RASAL3: variants seen among roughly 807,000 people sequenced by gnomAD.
RASAL3 encodes RAS protein activator like 3.
Under a neutral mutation model 105.5 loss-of-function variants are expected in RASAL3, and 74 were observed. The observed-to-expected ratio is 0.70, with a 90% CI of 0.58 to 0.85. RASAL3 has a LOEUF of 0.85. Among genes scored for constraint, RASAL3 ranks in the 40% least tolerant of loss-of-function variants. RASAL3 has a pLI of 0.00. For synonymous variants in RASAL3, 579 were observed against 591.6 expected (o/e 0.98, Z 0.31); for missense variants, 1,352 against 1,392.0 (o/e 0.97, Z 0.46).
Position 15,461,272 on chromosome 19 carries a change from T to G in RASAL3, c.490A>C (p.Ser164Arg). Residue 164 changes from serine to arginine, a missense_variant, in exon 4 of 18, where the codon AGT becomes CGT. Around this residue, in one of 3 missense-constraint regions of RASAL3, gnomAD observed 344 missense variants for 339.6 expected, o/e 1.01. Transcript: ENST00000343625. ...TGGATGCTGCCCTCGGAGCTAGCAC[T>G]TCCCACCCGGGGCCTTCGAGGACCC... is the stretch of plus-strand genomic sequence containing the variant. ...EEGPRRPRVGSASSEGSIHVA... is the reference protein window; with the variant it reads ...EEGPRRPRVGRASSEGSIHVA... 1 of 1,613,680 alleles carries G rather than the reference T, an allele frequency of 6.2e-7. No individual in the cohort carries two copies. Among genetic ancestry groups the G allele is most frequent in the African/African-American group, 1.3e-5 (1 of 75,002 alleles).
Position 15,464,025 on chromosome 19 carries a change from A to G in RASAL3, c.328+6T>C, listed in dbSNP as rs1395827513. 1.3e-6 allele frequency: 2 copies of G among 1,543,036 alleles called. No homozygotes were observed. The highest frequency in any genetic ancestry group is 1.7e-6 in the Non-Finnish European group (2 of 1,145,410). ...GGCCCAAGCTCAGGGTGGGGGAACCATGTACCTGGGGCCTCCTGCTCCGGC... is the reference window on the plus strand; with the variant it reads ...GGCCCAAGCTCAGGGTGGGGGAACCGTGTACCTGGGGCCTCCTGCTCCGGC... On this transcript the variant is annotated splice_donor_region_variant and intron_variant, in intron 2 of 17. Transcript: ENST00000343625.
At chr19:15,455,247 G>A (rs1196067820) in intron 11 of RASAL3, among the ~76,000 whole-genome samples, 1 of 152,206 alleles carries the variant, frequency 6.6e-6, no homozygotes, top group Admixed American at 6.5e-5. Context: ...TGGTGGGCCA[G>A]AGTACAAGAT....
At position 15,457,311 on chromosome 19, in the gene RASAL3, C is replaced by T. The variant is rs754418310; in HGVS notation, c.1412G>A (p.Arg471Gln). The T allele has an allele frequency of 7.6e-7, 1 of 1,314,160 alleles. No individual in the cohort carries two copies. Among genetic ancestry groups the T allele is most frequent in the South Asian group, 1.9e-5 (1 of 52,622 alleles). The allele number at this position is 1,314,160 out of a possible 1,614,324, so 81.4% of individuals were successfully genotyped here. A position where few individuals can be genotyped will look rare whatever the true frequency, so the allele number is the denominator to read the frequency against. The change falls in exon 9 of 18, where the codon CGG (arginine) becomes CAG (glutamine). Residue 471 changes from arginine to glutamine, a missense_variant. By Grantham distance (43) the Arg-to-Gln change is conservative (BLOSUM62 1). Around this residue, in one of 3 missense-constraint regions of RASAL3, gnomAD observed 920 missense variants for 919.6 expected, o/e 1.00. Transcript: ENST00000343625. This position sits in a 1 kb window ranked among gnomAD's most constrained non-coding sequence, Gnocchi z 8.6. ...CCGCACCTGCGCCCGGCCGGTGGCC[C>T]GCAGCACGCGCACCATGGCTGCCGC... ...ELAAAMVRVLRATGRAQALVT... is the reference protein window; with the variant it reads ...ELAAAMVRVLQATGRAQALVT...
At chr19:15,454,009 C>T (rs184530144) in intron 14 of RASAL3, 140 bp downstream of exon 14, 10 of 665,946 alleles carry the variant, frequency 1.5e-5, no homozygotes, top group African/African-American at 5.5e-5. Flanking sequence ...TTTGACCCAA[C>T]CCTTTCTATA....
At position 15,456,601 on chromosome 19, in the gene RASAL3, C is replaced by T; in HGVS notation, c.1477G>A (p.Gly493Ser). ...LGTAELARCG[G>S]REALLFRENT... The stretch of plus-strand genomic sequence containing the variant: ...TCCCGGAACAGCAGCGCCTCACGGC[C>T]TCCACAGCGCGCCAGCTCCGCAGTG... The change falls in exon 10 of 18, where the codon GGC becomes AGC. Residue 493 changes from glycine (G) to serine (S), a missense_variant. Around this residue, in one of 3 missense-constraint regions of RASAL3, gnomAD observed 920 missense variants for 919.6 expected, o/e 1.00. Transcript: ENST00000343625. The surrounding 1 kb of genome is among the most constrained non-coding windows in gnomAD (Gnocchi z 4.4). The T allele has an allele frequency of 1.9e-6, 3 of 1,613,512 alleles. No individual in the cohort carries two copies. Among genetic ancestry groups the T allele is most frequent in the Non-Finnish European group, 2.5e-6 (3 of 1,179,760 alleles).
rs778275984 is a variant in RASAL3, at chr19:15,452,076, G to T, written c.2861C>A (p.Thr954Lys). Reference protein sequence around the residue: ...SSEFDSEHNLTSNEGHSLKNL... With the variant: ...SSEFDSEHNLKSNEGHSLKNL... Reference sequence around the variant, plus strand: ...TTTCAGACTGTGCCCTTCATTGCTTGTTAGGTTGTGCTCTGAATCAAACTC... The same window carrying T: ...TTTCAGACTGTGCCCTTCATTGCTTTTTAGGTTGTGCTCTGAATCAAACTC... Residue 954 changes from threonine (T) to lysine (K), a missense_variant, in exon 17 of 18, where the codon ACA becomes AAA. Thr to Lys is a moderately conservative substitution (Grantham distance 78). Transcript: ENST00000343625. 1 of 1,613,944 alleles carries T rather than the reference G, an allele frequency of 6.2e-7. No individual in the cohort carries two copies. The highest frequency in any genetic ancestry group is 1.7e-5 in the Admixed American group (1 of 60,030).
rs776366972 is a variant in RASAL3, at chr19:15,464,123, C to T, written c.236G>A (p.Arg79Gln). The change falls in exon 2 of 18, where the codon CGG becomes CAG. Residue 79 changes from arginine (R) to glutamine (Q), a missense_variant. By Grantham distance (43) the Arg-to-Gln change is conservative (BLOSUM62 1). Around this residue, in one of 3 missense-constraint regions of RASAL3, gnomAD observed 344 missense variants for 339.6 expected, o/e 1.01. Coordinates refer to ENST00000343625, the MANE Select transcript of RASAL3 (RefSeq NM_022904.3). ...RVLSAPPKES[R>Q]TSRLRLSKAL... ...CTTGGAGAGTCGAAGGCGACTGGTCCGTGACTCCTTGGGAGGCGCAGATAG... is the reference window on the plus strand; with the variant it reads ...CTTGGAGAGTCGAAGGCGACTGGTCTGTGACTCCTTGGGAGGCGCAGATAG... 5.6e-6 allele frequency: 9 copies of T among 1,613,418 alleles called. No homozygotes were observed. Among genetic ancestry groups the T allele is most frequent in the African/African-American group, 4.0e-5 (3 of 74,894 alleles).
At chr19:15,464,433 T>G in intron 1 of RASAL3, 56 bp from the exon 2 acceptor site, 1 of 1,407,600 alleles carries the variant, frequency 7.1e-7, no homozygotes, top group Non-Finnish European at 9.7e-7. Context: ...ACTGCCCTCA[T>G]CTCGGCCCCC....
intron 2 of RASAL3, among the ~76,000 whole-genome samples, chr19:15,462,887 C>A (rs1185649372): frequency 1.3e-5 from 2 of 149,912 alleles, no homozygotes; most frequent in Non-Finnish European, 3.0e-5. Flanking sequence ...GGAGGCGGAG[C>A]TTGCGGTGAG....
In RASAL3 at chr19:15,456,801, G is replaced by A. The variant is rs1361594256; in HGVS notation, c.1432-155C>T. ...ACTGCTGGGGCTCATAACCGAGGCCGGAACCTCTAACCCTCACAGCAGAAA... is the reference window on the plus strand; with the variant it reads ...ACTGCTGGGGCTCATAACCGAGGCCAGAACCTCTAACCCTCACAGCAGAAA... On this transcript the variant is annotated intron_variant, in intron 9 of 17. Transcript: ENST00000343625. The surrounding 1 kb of genome is among the most constrained non-coding windows in gnomAD (Gnocchi z 4.4). The A allele has an allele frequency of 8.7e-6, 8 of 918,820 alleles. No homozygotes were observed. Among genetic ancestry groups the A allele is most frequent in the African/African-American group, 1.7e-5 (1 of 59,836 alleles). The allele number at this position is 918,820 out of a possible 1,614,324, so 56.9% of individuals were successfully genotyped here.
In RASAL3 at chr19:15,456,387, C is replaced by T; in HGVS notation, c.1576+115G>A. 2 of 1,523,016 alleles carry T rather than the reference C, an allele frequency of 1.3e-6. No individual in the cohort carries two copies. Among genetic ancestry groups the T allele is most frequent in the Middle Eastern group, 1.7e-4 (1 of 5,800 alleles). The allele number at this position is 1,523,016 out of a possible 1,614,324, so 94.3% of individuals were successfully genotyped here. ...CTCCCAATTGTCCCCAGGATCCTAGCACCCCCAAAACACCACTCACTACCA... is the reference window on the plus strand; with the variant it reads ...CTCCCAATTGTCCCCAGGATCCTAGTACCCCCAAAACACCACTCACTACCA... On this transcript the variant is annotated intron_variant, in intron 10 of 17. Coordinates refer to ENST00000343625, the MANE Select transcript of RASAL3 (RefSeq NM_022904.3). This position sits in a 1 kb window ranked among gnomAD's most constrained non-coding sequence, Gnocchi z 4.4.
At chr19:15,461,780 C>T (rs1970520032) in intron 2 of RASAL3, among the ~76,000 whole-genome samples, 173 bp from the exon 3 acceptor site, 1 of 152,164 alleles carries the variant, frequency 6.6e-6, no homozygotes, top group Admixed American at 6.5e-5. Flanking sequence ...GGCCTTGTCC[C>T]CACTAACCAT....
intron 11 of RASAL3, 107 bp from the exon 12 acceptor site, chr19:15,455,000 C>T: frequency 1.2e-6 from 1 of 804,676 alleles, no homozygotes; most frequent in Non-Finnish European, 1.9e-6. Context: ...GTCCATGATC[C>T]TCCAGAGAGC....
Position 15,457,240 on chromosome 19 carries a change from C to A in RASAL3, c.1431+52G>T. The stretch of plus-strand genomic sequence containing the variant: ...TGCGCCCCAACTCCTGCCCGAAGCG[C>A]GTTATCGGTCTACCCCTGGTAGCCC... On this transcript the variant is annotated intron_variant, in intron 9 of 17. Coordinates refer to ENST00000343625, the MANE Select transcript of RASAL3 (RefSeq NM_022904.3). The surrounding 1 kb of genome is among the most constrained non-coding windows in gnomAD (Gnocchi z 8.6). 8.1e-7 allele frequency: 1 copy of A among 1,230,666 alleles called. No individual in the cohort carries two copies. The highest frequency in any genetic ancestry group is 4.2e-5 in the Admixed American group (1 of 23,576). 76.2% of individuals were successfully genotyped at this position (1,230,666 alleles called of 1,614,324 possible).
At chr19:15,459,003 T>G (rs900986477) in intron 6 of RASAL3, among the ~76,000 whole-genome samples, 3 of 152,136 alleles carry the variant, frequency 2.0e-5, no homozygotes, top group Non-Finnish European at 4.4e-5. Flanking sequence ...GGATCTCAGC[T>G]CACTGCAACC....
chr19:15,458,471 A>C (rs1189468253), intron 7 of RASAL3, 45 bp from the exon 8 acceptor site: 6 of 1,613,438 alleles, frequency 3.7e-6, no homozygotes, highest in Non-Finnish European at 4.2e-6. Flanking sequence ...GCCAAGGGTG[A>C]AGCCAAAGGG....
chr19:15,452,538 G>A (rs1970183193), intron 16 of RASAL3, 120 bp downstream of exon 16: 5 of 893,692 alleles, frequency 5.6e-6, no homozygotes, highest in Non-Finnish European at 8.2e-6. Flanking sequence ...TTATTGGGGC[G>A]GGGCCAGGGT....
intron 11 of RASAL3, 22 bp from the exon 12 acceptor site, chr19:15,454,915 A>G (rs1188638470): frequency 6.6e-7 from 1 of 1,522,462 alleles, no homozygotes; most frequent in Non-Finnish European, 8.8e-7. Context: ...GAGGCAATGA[A>G]TGGTCAGACG....
chr19:15,461,057 T>C lies in RASAL3; in HGVS notation c.606+3A>G. On this transcript the variant is annotated splice_donor_region_variant and intron_variant, in intron 5 of 17. Coordinates refer to ENST00000343625, the MANE Select transcript of RASAL3 (RefSeq NM_022904.3). ...TACCTCCCACCTTCACTGGCTGCCT[T>C]ACCCGAACGTTGTGGACCTGGTTGG... 6.2e-7 allele frequency: 1 copy of C among 1,613,684 alleles called. No individual in the cohort carries two copies. The highest frequency in any genetic ancestry group is 8.5e-7 in the Non-Finnish European group (1 of 1,179,668).
Sources: gnomAD v4.1 joint callset for allele counts (sites outside exome capture counted in the v4.1 genomes callset) on GRCh38, gnomAD v4.1.1 for gene constraint, gnomAD v4.1.1 regional missense constraint, Gnocchi (gnomAD v3.1) non-coding constraint, MANE v1.5 for transcripts, NCBI Gene and HGNC (gene_info 2026-07-23, HGNC 2026-07-21) for gene names.